Variants in PLCB1 observed in about 807,000 individuals in gnomAD.
The protein encoded by PLCB1 is 1-phosphatidylinositol 4,5-bisphosphate phosphodiesterase beta-1.
A neutral mutation model predicts 161.8 loss-of-function variants in PLCB1; 46 were observed. The ratio of observed to expected loss-of-function variants is 0.28; its 90% confidence interval spans 0.22 to 0.36. The LOEUF (loss-of-function observed/expected upper bound fraction) is 0.36. Among genes scored for constraint, PLCB1 ranks in the 10% least tolerant of loss-of-function variants. The probability of loss-of-function intolerance (pLI) is 1.00; values close to 1 mark genes in which losing one functional copy is unlikely to be tolerated. For synonymous variants in PLCB1, 517 were observed against 503.7 expected (o/e 1.03, Z -0.35); for missense variants, 1,016 against 1,472.5 (o/e 0.69, Z 5.07).
chr20:8,337,775 T>C (rs573840972), intron 2 of PLCB1, among the ~76,000 whole-genome samples: 17 of 152,302 alleles, frequency 1.1e-4, no homozygotes, highest in Admixed American at 5.2e-4. Flanking sequence ...CAAGTGGAAA[T>C]AAGTGATTTC....
intron 2 of PLCB1, 38 bp downstream of exon 2, chr20:8,150,409 C>A: frequency 1.1e-6 from 1 of 900,892 alleles, no homozygotes; most frequent in Non-Finnish European, 1.8e-6. Context: ...ATTTTTCAGT[C>A]GTTTACTACT....
In PLCB1 at chr20:8,837,002, T is replaced by C. The variant is rs377540798; in HGVS notation, c.3424-44620T>C. Among the ~76,000 whole-genome samples, 57 of 152,264 alleles carry C rather than the reference T, an allele frequency of 3.7e-4. 2 individuals carry two copies. The highest frequency in any genetic ancestry group is 1.3e-3 in the African/African-American group (54 of 41,554). ...GTGTCTACTGTTAAAGTCAGTGTATTAACTAGGAAGGAATGCGTTGCTCAA... is the reference window on the plus strand; with the variant it reads ...GTGTCTACTGTTAAAGTCAGTGTATCAACTAGGAAGGAATGCGTTGCTCAA... On this transcript the variant is annotated intron_variant, in intron 31 of 31. Coordinates refer to ENST00000338037, the MANE Select transcript of PLCB1 (RefSeq NM_015192.4).
At chr20:8,799,096 T>C (rs749351330) in intron 31 of PLCB1, among the ~76,000 whole-genome samples, 1 of 152,216 alleles carries the variant, frequency 6.6e-6, no homozygotes, top group African/African-American at 2.4e-5. Flanking sequence ...TAGATTCGCA[T>C]GGATGCCGTT....
intron 2 of PLCB1, among the ~76,000 whole-genome samples, chr20:8,188,252 T>G (rs541699493): frequency 7.2e-5 from 11 of 152,150 alleles, no homozygotes; most frequent in Non-Finnish European, 1.6e-4. Flanking sequence ...TTTGAAATCT[T>G]TCCTTGTGTA....
At chr20:8,488,635 C>T (rs969897119) in intron 3 of PLCB1, among the ~76,000 whole-genome samples, 3 of 152,078 alleles carry the variant, frequency 2.0e-5, no homozygotes, top group African/African-American at 7.2e-5. Flanking sequence ...ATGTTTAATT[C>T]ACTTCTGCAA....
chr20:8,564,554 C>T (rs1326604566), intron 3 of PLCB1, among the ~76,000 whole-genome samples: 3 of 152,084 alleles, frequency 2.0e-5, no homozygotes, highest in East Asian at 3.9e-4. Context: ...AGACAACCTA[C>T]AGAATGGGAG....
At position 8,557,959 on chromosome 20, in the gene PLCB1, TACTA is replaced by T. The variant is rs575815404; in HGVS notation, c.247-70329_247-70326del. ...CTTGAAAAAGCACAGATATTGGATCTACTAACTAAGACTTTAAATCAACTCTTAC... is the reference window on the plus strand; with the variant it reads ...CTTGAAAAAGCACAGATATTGGATCTACTAAGACTTTAAATCAACTCTTAC... On this transcript the variant is annotated intron_variant, in intron 3 of 31. Transcript: ENST00000338037. Among the ~76,000 whole-genome samples, 27 of 152,020 alleles carry T rather than the reference TACTA, an allele frequency of 1.8e-4. 1 individual carries two copies. The South Asian group carries it at 3.9e-3, about 22-fold the overall frequency.
chr20:8,307,748 C>T (rs1411979006), intron 2 of PLCB1, among the ~76,000 whole-genome samples: 4 of 151,826 alleles, frequency 2.6e-5, no homozygotes, highest in African/African-American at 9.7e-5. Flanking sequence ...ATGGTAAAAC[C>T]CTGTCTCTAC....
chr20:8,649,405 C>A lies in PLCB1; in HGVS notation c.550C>A (p.Arg184=), dbSNP rs770826618. 2 of 1,613,438 alleles carry A rather than the reference C, an allele frequency of 1.2e-6. No individual in the cohort carries two copies. The highest frequency in any genetic ancestry group is 1.7e-6 in the Non-Finnish European group (2 of 1,179,406). Residue 184 remains arginine (R), a synonymous_variant, in exon 7 of 32, where the codon CGA becomes AGA. Coordinates refer to ENST00000338037, the MANE Select transcript of PLCB1 (RefSeq NM_015192.4). ...TCGCTTGTTTTCAGCAGATCGGAAG[C>A]GAGTTGAAACTGCTTTAGAGGCTTG... ...IYRLFSADRK[R]VETALEACSL... is the part of the protein sequence containing the mutation.
In PLCB1 at chr20:8,654,633, A is replaced by C. The variant is rs116801409; in HGVS notation, c.595-2551A>C. On this transcript the variant is annotated intron_variant, in intron 7 of 31. Coordinates refer to ENST00000338037, the MANE Select transcript of PLCB1 (RefSeq NM_015192.4). ...AGGGAGACTGTGAACACAAAGAAAA[A>C]GTAGTGTCATGTCTAGCTGATGTGG... 2.6e-3 allele frequency among the ~76,000 whole-genome samples: 396 copies of C among 152,240 alleles called. 1 individual carries two copies. The highest frequency in any genetic ancestry group is 9.1e-3 in the African/African-American group (380 of 41,566).
Position 8,873,479 on chromosome 20 carries a change from G to A in PLCB1, c.3424-8143G>A, listed in dbSNP as rs116075632. Among the ~76,000 whole-genome samples the A allele has an allele frequency of 7.7e-3, 1,165 of 151,700 alleles. 11 individuals are homozygous for A. The highest frequency in any genetic ancestry group is 0.027 in the African/African-American group (1,104 of 41,400). On this transcript the variant is annotated intron_variant, in intron 31 of 31. Coordinates refer to ENST00000338037, the MANE Select transcript of PLCB1 (RefSeq NM_015192.4). ...TCAGAGTTCTACATTTTTCTTTTTT[G>A]TATTTTATAGAAATTATATTAGATT...
chr20:8,233,056 C>T (rs1980142868), intron 2 of PLCB1, among the ~76,000 whole-genome samples: 1 of 152,168 alleles, frequency 6.6e-6, no homozygotes, highest in South Asian at 2.1e-4. Context: ...TTTCAGCTTC[C>T]TCTGTAACTC....
chr20:8,403,501 G>C (rs1470306288), intron 3 of PLCB1, among the ~76,000 whole-genome samples: 1 of 152,176 alleles, frequency 6.6e-6, no homozygotes, highest in East Asian at 1.9e-4. Flanking sequence ...ATTTTAATTT[G>C]CCCAGTGGTG....
At chr20:8,408,884 T>C (rs888213582) in intron 3 of PLCB1, among the ~76,000 whole-genome samples, 5 of 150,966 alleles carry the variant, frequency 3.3e-5, no homozygotes, top group African/African-American at 1.2e-4. Flanking sequence ...ACAGTAATAA[T>C]TTTTTTTTAT....
chr20:8,836,711 G>A (rs1986299769), intron 31 of PLCB1, among the ~76,000 whole-genome samples: 1 of 152,104 alleles, frequency 6.6e-6, no homozygotes, highest in Non-Finnish European at 1.5e-5. Context: ...AAAGATTTTG[G>A]TGACTGTGTA....
In PLCB1 at chr20:8,544,185, T is replaced by A. The variant is rs534087614; in HGVS notation, c.247-84109T>A. Among the ~76,000 whole-genome samples, 113 of 151,866 alleles carry A rather than the reference T, an allele frequency of 7.4e-4. 1 individual carries two copies. Among genetic ancestry groups the A allele is most frequent in the Non-Finnish European group, 1.3e-3 (87 of 67,932 alleles). On this transcript the variant is annotated intron_variant, in intron 3 of 31. Transcript: ENST00000338037. Reference sequence around the variant, plus strand: ...GGTTCTAAAGTAAAAGTTGAAAATTTAAAAAAAAGGCAGATGAGAGAACAG... The same window carrying A: ...GGTTCTAAAGTAAAAGTTGAAAATTAAAAAAAAAGGCAGATGAGAGAACAG...
intron 3 of PLCB1, among the ~76,000 whole-genome samples, chr20:8,588,808 C>T (rs6086522): frequency 0.041 from 6,286 of 152,296 alleles, 232 homozygotes; most frequent in African/African-American, 0.1. Flanking sequence ...CAAGCAAACT[C>T]ATGTAGCTGA....
intron 23 of PLCB1, among the ~76,000 whole-genome samples, chr20:8,746,001 G>A (rs1023694157): frequency 2.6e-5 from 4 of 152,048 alleles, no homozygotes; most frequent in Admixed American, 6.5e-5. Flanking sequence ...GCATGATCTC[G>A]GCTCACTGCA....
intron 3 of PLCB1, among the ~76,000 whole-genome samples, chr20:8,396,853 G>A (rs761894305): frequency 1.3e-5 from 2 of 151,974 alleles, no homozygotes; most frequent in African/African-American, 2.4e-5. Flanking sequence ...ATATTTATCA[G>A]TTGTATAGCT....
Sources: gnomAD v4.1 joint callset for allele counts (sites outside exome capture counted in the v4.1 genomes callset) on GRCh38, gnomAD v4.1.1 for gene constraint, MANE v1.5 for transcripts, NCBI Gene and HGNC (gene_info 2026-07-23, HGNC 2026-07-21) for gene names.